The following SMOC2 variants were observed in gnomAD, a reference collection of about 807,000 sequenced individuals.
The protein encoded by SMOC2 is SPARC-related modular calcium-binding protein 2.
SMOC2 carries 39 observed loss-of-function variants against 61.4 expected under a neutral mutation model. The observed-to-expected ratio is 0.64, with a 90% CI of 0.49 to 0.83. The LOEUF (loss-of-function observed/expected upper bound fraction) is 0.83. SMOC2 is among the 40% of genes least tolerant of loss of function. The pLI is 0.00. For synonymous variants in SMOC2, 247 were observed against 239.9 expected, an observed-to-expected ratio of 1.03 and a Z score of -0.27; for missense variants, 556 against 592.9, an observed-to-expected ratio of 0.94 and a Z score of 0.65.
chr6:168,556,206 G>C (rs970974733), intron 7 of SMOC2, among the ~76,000 whole-genome samples: 1 of 152,208 alleles, frequency 6.6e-6, no homozygotes, highest in Non-Finnish European at 1.5e-5. Context: ...AGCTCCGAGG[G>C]CGTCCGTGGC....
intron 1 of SMOC2, among the ~76,000 whole-genome samples, chr6:168,474,555 C>T (rs955187567): frequency 6.6e-5 from 10 of 152,112 alleles, no homozygotes; most frequent in South Asian, 6.2e-4. Context: ...CCGCTATGTC[C>T]CTGCCTTTAA....
rs767690163 is a variant in SMOC2 at position 168,604,387 on chromosome 6, G to A, written c.825-3770G>A. ...TGAATTGATCACCTAGGGAGACATG[G>A]GTACTGGGCACCAGGCAAAATAATC... On this transcript the variant is annotated intron_variant, in intron 8 of 12. Coordinates refer to ENST00000356284, the MANE Select transcript of SMOC2 (RefSeq NM_001166412.2). 4.0e-4 allele frequency among the ~76,000 whole-genome samples: 61 copies of A among 151,978 alleles called. 1 individual carries two copies. Among genetic ancestry groups the A allele is most frequent in the Non-Finnish European group, 1.3e-4 (9 of 68,012 alleles).
intron 8 of SMOC2, among the ~76,000 whole-genome samples, chr6:168,604,874 C>G (rs1785647957): frequency 1.3e-5 from 2 of 152,190 alleles, no homozygotes; most frequent in Admixed American, 6.5e-5. Flanking sequence ...GGACCCATCA[C>G]TTAGAAGGAG....
chr6:168,530,973 A>G (rs1284704942), intron 4 of SMOC2, among the ~76,000 whole-genome samples: 2 of 152,156 alleles, frequency 1.3e-5, no homozygotes, highest in East Asian at 1.9e-4. Context: ...CAGAGCAGTG[A>G]GCACTGATGA....
chr6:168,547,897 T>A (rs1448037500), intron 6 of SMOC2, among the ~76,000 whole-genome samples: 1 of 152,208 alleles, frequency 6.6e-6, no homozygotes, highest in East Asian at 1.9e-4. Context: ...GTTGAAATTT[T>A]ACAGCTTGGA....
chr6:168,531,139 A>G (rs973899883), intron 4 of SMOC2, among the ~76,000 whole-genome samples: 12 of 152,264 alleles, frequency 7.9e-5, no homozygotes, highest in African/African-American at 2.9e-4. Flanking sequence ...GTGGCAAACC[A>G]TGAAGACCAG....
chr6:168,521,584 A>G (rs1225829821), intron 2 of SMOC2, among the ~76,000 whole-genome samples: 1 of 152,254 alleles, frequency 6.6e-6, no homozygotes, highest in Non-Finnish European at 1.5e-5. Context: ...TTAACCAAAA[A>G]TTCATCAAAA....
chr6:168,462,366 T>C (rs1292593564), intron 1 of SMOC2, among the ~76,000 whole-genome samples: 2 of 152,228 alleles, frequency 1.3e-5, no homozygotes, highest in Non-Finnish European at 2.9e-5. Flanking sequence ...TTGTTGGAAC[T>C]GCCTGAGTCT....
intron 1 of SMOC2, among the ~76,000 whole-genome samples, chr6:168,456,033 G>A (rs1389383081): frequency 6.6e-6 from 1 of 152,232 alleles, no homozygotes; most frequent in Admixed American, 6.5e-5. Context: ...GACTGCAGAC[G>A]CCTCATACCA....
intron 2 of SMOC2, among the ~76,000 whole-genome samples, chr6:168,510,961 C>T (rs1209531503): frequency 6.6e-6 from 1 of 152,130 alleles, no homozygotes; most frequent in Non-Finnish European, 1.5e-5. Flanking sequence ...TGTTTTGCTC[C>T]ATGACAGACC....
At chr6:168,594,024 A>T (rs1785245597) in intron 7 of SMOC2, among the ~76,000 whole-genome samples, 1 of 48,010 alleles carries the variant, frequency 2.1e-5, no homozygotes, top group Admixed American at 1.6e-4. Context: ...TTTCTAGAGG[A>T]TGGCCGAGCT....
chr6:168,493,664 T>C (rs888483663), intron 1 of SMOC2, among the ~76,000 whole-genome samples: 2 of 152,234 alleles, frequency 1.3e-5, no homozygotes, highest in Non-Finnish European at 2.9e-5. Context: ...GATATATTAA[T>C]ATCAACATTT....
At position 168,618,699 on chromosome 6, in the gene SMOC2, G is replaced by A. The variant is rs139217425; in HGVS notation, c.907+10460G>A. Among the ~76,000 whole-genome samples the A allele has an allele frequency of 5.9e-5, 9 of 152,208 alleles. No individual in the cohort carries two copies. The East Asian group carries it at 1.2e-3, about 20-fold the overall frequency. Reference sequence around the variant, plus strand: ...ACGATGGAAGGGCTAGGAATGTCCCGCATGGGGTGAGCACAGATGCAGACA... The same window carrying A: ...ACGATGGAAGGGCTAGGAATGTCCCACATGGGGTGAGCACAGATGCAGACA... On this transcript the variant is annotated intron_variant, in intron 9 of 12. Transcript: ENST00000356284.
At chr6:168,469,784 C>T (rs189377548) in intron 1 of SMOC2, among the ~76,000 whole-genome samples, 16 of 152,236 alleles carry the variant, frequency 1.1e-4, no homozygotes, top group African/African-American at 3.4e-4. Context: ...GTTAGGAGTG[C>T]GTCCTCACCG....
intron 7 of SMOC2, among the ~76,000 whole-genome samples, chr6:168,560,479 G>A (rs1784376455): frequency 6.6e-6 from 1 of 152,048 alleles, no homozygotes; most frequent in African/African-American, 2.4e-5. Context: ...TGCGTCCTCT[G>A]TGCCCACCTT....
intron 1 of SMOC2, among the ~76,000 whole-genome samples, chr6:168,442,704 C>CTTTTCT (rs748535039): frequency 7.9e-5 from 12 of 152,300 alleles, no homozygotes; most frequent in East Asian, 5.8e-4. Context: ...ATGTGGGCAT[C>CTTTTCT]TTTTCTTTTT....
At chr6:168,615,087 G>T (rs1583162342) in intron 9 of SMOC2, among the ~76,000 whole-genome samples, 1 of 98,456 alleles carries the variant, frequency 1.0e-5, no homozygotes. Context: ...CCGGCACAGG[G>T]CCTCTTCACA....
At chr6:168,638,823 T>G (rs1562398316) in intron 9 of SMOC2, among the ~76,000 whole-genome samples, 1 of 152,068 alleles carries the variant, frequency 6.6e-6, no homozygotes, top group Non-Finnish European at 1.5e-5. Flanking sequence ...CCATTTGAGA[T>G]TCAAGCCAGG....
intron 6 of SMOC2, among the ~76,000 whole-genome samples, chr6:168,548,202 C>T (rs1784049458): frequency 6.6e-6 from 1 of 152,162 alleles, no homozygotes; most frequent in Non-Finnish European, 1.5e-5. Flanking sequence ...CCATGAGTCC[C>T]TGGACCTTCT....
Sources: allele counts gnomAD v4.1 joint callset (sites outside exome capture counted in the v4.1 genomes callset), GRCh38; gene constraint gnomAD v4.1.1; transcripts MANE v1.5; gene names NCBI Gene and HGNC (gene_info 2026-07-23, HGNC 2026-07-21).